NFIB: variants seen among roughly 807,000 people sequenced by gnomAD.
NFIB encodes the protein nuclear factor I B, also known as nuclear factor 1 B-type.
A neutral mutation model predicts 61.5 loss-of-function variants in NFIB; 11 were observed. The observed-to-expected ratio is 0.18, with a 90% CI of 0.11 to 0.30. The LOEUF is 0.30. NFIB is among the 10% of genes least tolerant of loss of function. NFIB has a pLI of 1.00. For synonymous variants in NFIB, 260 were observed against 216.5 expected (o/e 1.20, Z -1.76); for missense variants, 471 against 608.9 (o/e 0.77, Z 2.38).
At chr9:14,530,770 C>T in the NFIB span, among the ~76,000 whole-genome samples, 1 of 152,136 alleles carries the variant, frequency 6.6e-6, no homozygotes, top group Non-Finnish European at 1.5e-5. Context: ...CCATACCCCT[C>T]CCCACCTAGA....
chr9:14,341,225 T>C (rs1270305063), intron 1 of NFIB, among the ~76,000 whole-genome samples: 1 of 152,174 alleles, frequency 6.6e-6, no homozygotes, highest in Non-Finnish European at 1.5e-5. Flanking sequence ...TCACCAGCAC[T>C]CACAGCTGTC....
At chr9:14,336,790 T>C (rs2060890917) in intron 1 of NFIB, among the ~76,000 whole-genome samples, 3 of 152,166 alleles carry the variant, frequency 2.0e-5, no homozygotes, top group African/African-American at 7.2e-5. Context: ...CCTTTTTATC[T>C]AAGTAAGAAG....
At chr9:14,288,569 C>A (rs1413163264) in intron 2 of NFIB, among the ~76,000 whole-genome samples, 1 of 152,022 alleles carries the variant, frequency 6.6e-6, no homozygotes, top group African/African-American at 2.4e-5. Flanking sequence ...TGTTACATAA[C>A]CCCTGAGAAA....
intron 6 of NFIB, among the ~76,000 whole-genome samples, chr9:14,137,867 C>A (rs1315405509): frequency 2.6e-5 from 4 of 151,962 alleles, no homozygotes; most frequent in Non-Finnish European, 5.9e-5. Context: ...GATTTCAGAG[C>A]AAGGACTACA....
chr9:14,470,107 A>G, the NFIB span, among the ~76,000 whole-genome samples: 1 of 152,196 alleles, frequency 6.6e-6, no homozygotes, highest in Admixed American at 6.5e-5. Context: ...TTTATCTGAA[A>G]TGAAAGATCA....
At chr9:14,162,408 T>C (rs1432995581) in intron 3 of NFIB, among the ~76,000 whole-genome samples, 1 of 152,148 alleles carries the variant, frequency 6.6e-6, no homozygotes, top group Non-Finnish European at 1.5e-5. Context: ...ATTGGTGTTA[T>C]ATATTACTGA....
At chr9:14,396,014 T>C (rs548975570) in intron 1 of NFIB, among the ~76,000 whole-genome samples, 1 of 152,246 alleles carries the variant, frequency 6.6e-6, no homozygotes, top group South Asian at 2.1e-4. Context: ...GGCAGTGCAC[T>C]GTGCTTGCGG....
Position 14,120,650 on chromosome 9 carries a change from T to C in NFIB, c.1061-26A>G, listed in dbSNP as rs745967723. 1.9e-6 allele frequency: 3 copies of C among 1,568,630 alleles called. No individual in the cohort carries two copies. The highest frequency in any genetic ancestry group is 1.4e-5 in the African/African-American group (1 of 73,408). On this transcript the variant is annotated intron_variant, in intron 7 of 10. Coordinates refer to ENST00000380953, the MANE Select transcript of NFIB (RefSeq NM_001190737.2). The surrounding 1 kb of genome is among the most constrained non-coding windows in gnomAD (Gnocchi z 4.4). ...CTGCAGAAGACAGAAAAGGAAAGATTGACTCATCAGCTGGTTACCTTATTG... is the reference window on the plus strand; with the variant it reads ...CTGCAGAAGACAGAAAAGGAAAGATCGACTCATCAGCTGGTTACCTTATTG...
chr9:14,136,014 C>A (rs2041000567), intron 6 of NFIB, among the ~76,000 whole-genome samples: 1 of 152,046 alleles, frequency 6.6e-6, no homozygotes, highest in African/African-American at 2.4e-5. Flanking sequence ...TCAATTTTAT[C>A]ACTTCGCTAT....
chr9:14,421,729 G>A, the NFIB span, among the ~76,000 whole-genome samples: 1 of 152,150 alleles, frequency 6.6e-6, no homozygotes, highest in Non-Finnish European at 1.5e-5. Context: ...TTGCATAACA[G>A]CAAAGATTCA....
intron 3 of NFIB, among the ~76,000 whole-genome samples, chr9:14,176,218 A>G (rs974044074): frequency 6.6e-6 from 1 of 150,994 alleles, no homozygotes; most frequent in African/African-American, 2.4e-5. Context: ...CCAAGAGAGG[A>G]CATTTTTAGT....
chr9:14,531,344 G>T, the NFIB span, among the ~76,000 whole-genome samples: 1 of 152,158 alleles, frequency 6.6e-6, no homozygotes. Flanking sequence ...GAAAAATAAT[G>T]AACTGAATAT....
rs78667618 is a variant in NFIB at position 14,260,131 on chromosome 9, G to A, written c.562+46858C>T. On this transcript the variant is annotated intron_variant, in intron 2 of 10. Coordinates refer to ENST00000380953, the MANE Select transcript of NFIB (RefSeq NM_001190737.2). Reference sequence around the variant, plus strand: ...CTACAAGACACTGGGGTGAGAACACGTAGAGAAGAGTCCAAGTGCACTGAG... The same window carrying A: ...CTACAAGACACTGGGGTGAGAACACATAGAGAAGAGTCCAAGTGCACTGAG... 7.7e-3 allele frequency among the ~76,000 whole-genome samples: 1,175 copies of A among 152,256 alleles called. 17 individuals are homozygous for A. The highest frequency in any genetic ancestry group is 0.026 in the African/African-American group (1,074 of 41,538).
intron 3 of NFIB, among the ~76,000 whole-genome samples, chr9:14,178,835 G>A (rs1490865142): frequency 6.6e-6 from 1 of 152,070 alleles, no homozygotes; most frequent in Non-Finnish European, 1.5e-5. Flanking sequence ...TAAAAACTAA[G>A]TCTACCTGAG....
chr9:14,428,142 C>T, the NFIB span, among the ~76,000 whole-genome samples: 2 of 151,650 alleles, frequency 1.3e-5, no homozygotes, highest in African/African-American at 4.8e-5. Flanking sequence ...GATGGGGTTT[C>T]ACCATGTTGC....
intron 2 of NFIB, among the ~76,000 whole-genome samples, chr9:14,302,168 C>T (rs752815108): frequency 4.6e-5 from 7 of 152,142 alleles, no homozygotes; most frequent in Admixed American, 6.5e-5. Flanking sequence ...GAAGTGAAAT[C>T]TATTAAAATG....
intron 10 of NFIB, among the ~76,000 whole-genome samples, chr9:14,108,930 ACT>A (rs1007899915): frequency 7.2e-5 from 11 of 152,022 alleles, no homozygotes; most frequent in African/African-American, 2.4e-4. Flanking sequence ...TTAGCTGCAA[ACT>A]TTTTATTTCC....
chr9:14,432,778 G>A, the NFIB span, among the ~76,000 whole-genome samples: 1 of 152,212 alleles, frequency 6.6e-6, no homozygotes, highest in Non-Finnish European at 1.5e-5. Context: ...GGTATTGAAA[G>A]AGGACATAAG....
chr9:14,463,153 TGTTTTA>T, the NFIB span, among the ~76,000 whole-genome samples: 1,006 of 151,086 alleles, frequency 6.7e-3, 12 homozygotes, highest in African/African-American at 0.023. Context: ...TTATTTTGAT[TGTTTTA>T]TTAATTAATT....
Sources: gnomAD v4.1 joint callset for allele counts (sites outside exome capture counted in the v4.1 genomes callset) on GRCh38, gnomAD v4.1.1 for gene constraint, Gnocchi (gnomAD v3.1) non-coding constraint, MANE v1.5 for transcripts, NCBI Gene and HGNC (gene_info 2026-07-23, HGNC 2026-07-21) for gene names.